Variants in PXYLP1 observed in about 807,000 individuals in gnomAD.
The protein encoded by PXYLP1 is 2-phosphoxylose phosphatase 1.
In PXYLP1, 17 loss-of-function variants were observed where a neutral mutation model predicts 37.9. The observed-to-expected ratio is 0.45, with a 90% CI of 0.31 to 0.67. PXYLP1 has a LOEUF of 0.67. PXYLP1 is among the 30% of genes least tolerant of loss of function. The pLI, the probability that PXYLP1 is intolerant of heterozygous loss-of-function variation, is 0.07. For missense variants in PXYLP1, 511 were observed against 612.0 expected (o/e 0.84, Z 1.74); for synonymous variants, 221 against 232.2 (o/e 0.95, Z 0.44).
chr3:141,280,343 T>C (rs766277284), intron 4 of PXYLP1, among the ~76,000 whole-genome samples: 6 of 152,216 alleles, frequency 3.9e-5, no homozygotes, highest in Non-Finnish European at 8.8e-5. Context: ...AAAGTGACAC[T>C]TTGTAGCTCG....
intron 1 of PXYLP1, among the ~76,000 whole-genome samples, chr3:141,239,729 C>T (rs948321233): frequency 6.6e-6 from 1 of 152,236 alleles, no homozygotes; most frequent in Non-Finnish European, 1.5e-5. Flanking sequence ...GAATGCCTCA[C>T]CTCAGTGCCA....
At chr3:141,262,561 T>G in intron 2 of PXYLP1, 1 of 1,247,684 alleles carries the variant, frequency 8.0e-7, no homozygotes, top group Non-Finnish European at 1.1e-6. Context: ...ATAACTCTTC[T>G]GAAAGTACCT....
intron 2 of PXYLP1, among the ~76,000 whole-genome samples, chr3:141,275,911 C>T (rs539617546): frequency 1.9e-4 from 29 of 152,248 alleles, no homozygotes; most frequent in Admixed American, 1.2e-3. Flanking sequence ...TCATGTACCA[C>T]ATAATGACTT....
intron 1 of PXYLP1, among the ~76,000 whole-genome samples, chr3:141,240,613 G>A (rs1940772508): frequency 6.6e-6 from 1 of 152,066 alleles, no homozygotes; most frequent in Admixed American, 6.5e-5. Flanking sequence ...AAAGGAGATG[G>A]GTATCACAAT....
intron 1 of PXYLP1, among the ~76,000 whole-genome samples, chr3:141,250,260 AT>A (rs1941112163): frequency 6.6e-6 from 1 of 152,262 alleles, no homozygotes; most frequent in Non-Finnish European, 1.5e-5. Context: ...TAAACATATA[AT>A]TATGACTGTA....
At chr3:141,283,915 A>G (rs1163861391) in intron 4 of PXYLP1, among the ~76,000 whole-genome samples, 1 of 152,052 alleles carries the variant, frequency 6.6e-6, no homozygotes. Flanking sequence ...TATAAAAGTG[A>G]AGATAAGGAC....
intron 1 of PXYLP1, 133 bp from the exon 2 acceptor site, chr3:141,259,990 A>C: frequency 3.9e-4 from 235 of 609,686 alleles, no homozygotes; most frequent in East Asian, 5.2e-4. Context: ...TTCTCCAGCT[A>C]GAGATGCATG....
At chr3:141,238,028 G>T (rs1041826568) in intron 1 of PXYLP1, among the ~76,000 whole-genome samples, 2 of 152,214 alleles carry the variant, frequency 1.3e-5, no homozygotes, top group Non-Finnish European at 2.9e-5. Context: ...CTGGTTGACA[G>T]AATGCTGCCC....
At chr3:141,284,962 CAT>C (rs1288504121) in intron 4 of PXYLP1, among the ~76,000 whole-genome samples, 1 of 152,062 alleles carries the variant, frequency 6.6e-6, no homozygotes, top group African/African-American at 2.4e-5. Flanking sequence ...AATTCACTCA[CAT>C]ATATTTTTAG....
intron 2 of PXYLP1, chr3:141,262,714 CTT>C (rs1157451910): frequency 1.4e-5 from 22 of 1,533,130 alleles, no homozygotes; most frequent in Admixed American, 9.8e-5. Context: ...TCTTACTGCT[CTT>C]CTTTTAGGTA....
At chr3:141,232,862 C>G (rs1459704604) in intron 1 of PXYLP1, among the ~76,000 whole-genome samples, 1 of 152,096 alleles carries the variant, frequency 6.6e-6, no homozygotes, top group South Asian at 2.1e-4. Flanking sequence ...GTTATCACCG[C>G]CTGGCTAGCC....
chr3:141,248,568 T>C, intron 1 of PXYLP1, among the ~76,000 whole-genome samples: 1 of 130,442 alleles, frequency 7.7e-6, no homozygotes, highest in Non-Finnish European at 1.6e-5. Flanking sequence ...CGTGTATATA[T>C]ATACACACAT....
At chr3:141,265,298 A>G (rs909863595) in intron 2 of PXYLP1, among the ~76,000 whole-genome samples, 1 of 152,016 alleles carries the variant, frequency 6.6e-6, no homozygotes, top group Non-Finnish European at 1.5e-5. Context: ...CACCTTCATC[A>G]GAATAACCTG....
chr3:141,254,710 G>C (rs542645177), intron 1 of PXYLP1, among the ~76,000 whole-genome samples: 1 of 151,734 alleles, frequency 6.6e-6, no homozygotes, highest in East Asian at 1.9e-4. Flanking sequence ...AGACTTGAAG[G>C]GTTTTTTTTT....
intron 5 of PXYLP1, among the ~76,000 whole-genome samples, chr3:141,288,870 T>A (rs954277159): frequency 1.3e-5 from 2 of 152,198 alleles, no homozygotes; most frequent in African/African-American, 2.4e-5. Flanking sequence ...CACTCCAGCC[T>A]GAGTGACAAA....
chr3:141,239,167 C>A (rs1940733263), intron 1 of PXYLP1, among the ~76,000 whole-genome samples: 1 of 151,996 alleles, frequency 6.6e-6, no homozygotes, highest in South Asian at 2.1e-4. Flanking sequence ...AGGGGGAAAA[C>A]CCTTTCTCTG....
At chr3:141,288,524 C>T (rs1480502635) in intron 5 of PXYLP1, among the ~76,000 whole-genome samples, 2 of 152,216 alleles carry the variant, frequency 1.3e-5, no homozygotes, top group Non-Finnish European at 2.9e-5. Flanking sequence ...TTCATCCTAG[C>T]AGATCCAACA....
intron 1 of PXYLP1, among the ~76,000 whole-genome samples, chr3:141,247,142 G>T (rs1480459988): frequency 6.6e-6 from 1 of 152,234 alleles, no homozygotes; most frequent in African/African-American, 2.4e-5. Flanking sequence ...CTGCCCAGCT[G>T]ACCCAGGCCT....
At chr3:141,263,189 C>T (rs575882280) in intron 2 of PXYLP1, among the ~76,000 whole-genome samples, 25 of 152,134 alleles carry the variant, frequency 1.6e-4, no homozygotes, top group Non-Finnish European at 1.8e-4. Context: ...TGTAGTGAAC[C>T]TACATATATT....
Sources: allele counts gnomAD v4.1 joint callset (sites outside exome capture counted in the v4.1 genomes callset), GRCh38; gene constraint gnomAD v4.1.1; transcripts MANE v1.5; gene names NCBI Gene and HGNC (gene_info 2026-07-23, HGNC 2026-07-21).